Variants in STARD13 observed in about 807,000 individuals in gnomAD.
The protein encoded by STARD13 is StAR related lipid transfer domain containing 13.
In STARD13, 62 loss-of-function variants were observed where a neutral mutation model predicts 106.4. The ratio of observed to expected loss-of-function variants is 0.58; its 90% CI spans 0.48 to 0.72. STARD13 has a LOEUF of 0.72. STARD13 is among the 30% of genes least tolerant of loss of function. STARD13 has a pLI of 0.00. For synonymous variants in STARD13, 565 were observed against 553.0 expected, an observed-to-expected ratio of 1.02 and a Z score of -0.31; for missense variants, 1,387 against 1,424.0, an observed-to-expected ratio of 0.97 and a Z score of 0.42.
At chr13:33,622,193 G>C in the STARD13 span, among the ~76,000 whole-genome samples, 1 of 152,132 alleles carries the variant, frequency 6.6e-6, no homozygotes, top group Admixed American at 6.5e-5. Flanking sequence ...TAGTGGAAGA[G>C]GAAATATTTA....
chr13:33,617,849 A>T, the STARD13 span, among the ~76,000 whole-genome samples: 2 of 152,218 alleles, frequency 1.3e-5, no homozygotes, highest in Non-Finnish European at 2.9e-5. Flanking sequence ...GACGATGCAT[A>T]TGTAAACATA....
chr13:33,258,240 G>A (rs976126933), intron 1 of STARD13, among the ~76,000 whole-genome samples: 3 of 152,172 alleles, frequency 2.0e-5, no homozygotes, highest in South Asian at 2.1e-4. Flanking sequence ...TTTATCTGGC[G>A]TAGTTAAAGC....
the STARD13 span, among the ~76,000 whole-genome samples, chr13:33,620,564 TG>T: frequency 1.3e-5 from 2 of 152,084 alleles, no homozygotes; most frequent in African/African-American, 4.8e-5. Flanking sequence ...ATTACAGGCA[TG>T]GGCCACCATG....
chr13:33,142,882 C>T (rs546597913), intron 3 of STARD13, among the ~76,000 whole-genome samples: 1 of 152,264 alleles, frequency 6.6e-6, no homozygotes, highest in Admixed American at 6.5e-5. Flanking sequence ...ACGTTGAAGC[C>T]CTCCATTCAC....
At chr13:33,400,490 C>T in the STARD13 span, among the ~76,000 whole-genome samples, 259 of 149,268 alleles carry the variant, frequency 1.7e-3, 1 homozygote, top group African/African-American at 6.1e-3. Flanking sequence ...GAGACAGAGT[C>T]TTGCTCTGTC....
chr13:33,601,421 C>T, the STARD13 span, among the ~76,000 whole-genome samples: 4 of 152,070 alleles, frequency 2.6e-5, no homozygotes, highest in Non-Finnish European at 4.4e-5. Flanking sequence ...TGCGCTAGCC[C>T]TGGGGACTTT....
chr13:33,637,488 T>A, the STARD13 span, among the ~76,000 whole-genome samples: 3 of 152,220 alleles, frequency 2.0e-5, no homozygotes. Flanking sequence ...TTTTAACACA[T>A]AGCCCTCTGA....
intron 1 of STARD13, among the ~76,000 whole-genome samples, chr13:33,267,285 C>T (rs1020629854): frequency 6.6e-6 from 1 of 152,122 alleles, no homozygotes; most frequent in African/African-American, 2.4e-5. Flanking sequence ...CCCCAGACAG[C>T]TAACAAGAAA....
chr13:33,283,342 T>C (rs1338209850), intron 1 of STARD13, among the ~76,000 whole-genome samples: 1 of 152,216 alleles, frequency 6.6e-6, no homozygotes, highest in East Asian at 1.9e-4. Context: ...ACTGTCAAGC[T>C]GTATTCAAGT....
chr13:33,658,852 G>A, the STARD13 span, among the ~76,000 whole-genome samples: 1 of 152,168 alleles, frequency 6.6e-6, no homozygotes, highest in Non-Finnish European at 1.5e-5. Flanking sequence ...CTGGGAAGAG[G>A]AGAGGTGCTA....
chr13:33,480,758 A>C, the STARD13 span, among the ~76,000 whole-genome samples: 1 of 152,188 alleles, frequency 6.6e-6, no homozygotes. Flanking sequence ...GTGTAGTAGC[A>C]ATGAAATCCC....
chr13:33,358,765 C>T, the STARD13 span, among the ~76,000 whole-genome samples: 1 of 152,046 alleles, frequency 6.6e-6, no homozygotes, highest in African/African-American at 2.4e-5. Flanking sequence ...TGTGGAGAGT[C>T]TTTATGTCTA....
At chr13:33,608,918 C>T in the STARD13 span, among the ~76,000 whole-genome samples, 67 of 151,690 alleles carry the variant, frequency 4.4e-4, 1 homozygote, top group Non-Finnish European at 9.3e-4. Context: ...AACCCTGTCT[C>T]TACTAAAAAT....
the STARD13 span, among the ~76,000 whole-genome samples, chr13:33,361,898 A>AT: frequency 6.6e-6 from 1 of 152,212 alleles, no homozygotes; most frequent in African/African-American, 2.4e-5. Flanking sequence ...AAACTATATC[A>AT]AAGGGTCAAC....
At chr13:33,584,142 C>G in the STARD13 span, among the ~76,000 whole-genome samples, 1 of 152,290 alleles carries the variant, frequency 6.6e-6, no homozygotes, top group Non-Finnish European at 1.5e-5. Context: ...TTTATTTTGT[C>G]TTCTTTTCCT....
intron 1 of STARD13, among the ~76,000 whole-genome samples, chr13:33,302,412 T>A (rs1892755174): frequency 6.6e-6 from 1 of 152,168 alleles, no homozygotes; most frequent in Non-Finnish European, 1.5e-5. Flanking sequence ...TTTTTACATT[T>A]AATTTAATTT....
chr13:33,549,174 T>C, the STARD13 span, among the ~76,000 whole-genome samples: 1 of 152,360 alleles, frequency 6.6e-6, no homozygotes, highest in South Asian at 2.1e-4. Context: ...GGAGAATCTA[T>C]TGAGTTTTTT....
the STARD13 span, among the ~76,000 whole-genome samples, chr13:33,527,049 T>C: frequency 6.6e-6 from 1 of 152,146 alleles, no homozygotes; most frequent in Non-Finnish European, 1.5e-5. Flanking sequence ...AAATATTATT[T>C]ATTAAGTTTT....
At chr13:33,225,375 GC>G (rs1191525081) in intron 1 of STARD13, among the ~76,000 whole-genome samples, 1 of 152,088 alleles carries the variant, frequency 6.6e-6, no homozygotes, top group Non-Finnish European at 1.5e-5. Context: ...ACCACTTCTG[GC>G]CGCCGTCTGT....
Sources: gnomAD v4.1 joint callset for allele counts (sites outside exome capture counted in the v4.1 genomes callset) on GRCh38, gnomAD v4.1.1 for gene constraint, MANE v1.5 for transcripts, NCBI Gene and HGNC (gene_info 2026-07-23, HGNC 2026-07-21) for gene names.